Variants in LPP observed in about 807,000 individuals in gnomAD.
The protein encoded by LPP is lipoma-preferred partner.
A neutral mutation model predicts 60.4 loss-of-function variants in LPP; 38 were observed. That is an observed-to-expected ratio of 0.63 (90% CI 0.49 to 0.83). The LOEUF is 0.83. Ranked by LOEUF, LPP falls within the 40% of genes least tolerant of loss-of-function variation. LPP has a pLI of 0.00. For synonymous variants in LPP, 328 were observed against 290.8 expected (o/e 1.13, Z -1.30); for missense variants, 902 against 783.6 (o/e 1.15, Z -1.80).
At chr3:188,841,389 A>ATTTTTTTT (rs769453833) in intron 9 of LPP, among the ~76,000 whole-genome samples, 1 of 94,528 alleles carries the variant, frequency 1.1e-5, no homozygotes, top group African/African-American at 4.7e-5. Flanking sequence ...CCCTTTCTGA[A>ATTTTTTTT]TTTGTTTTTT....
chr3:188,692,937 A>G (rs1270866061), intron 7 of LPP, among the ~76,000 whole-genome samples: 1 of 152,244 alleles, frequency 6.6e-6, no homozygotes, highest in East Asian at 1.9e-4. Flanking sequence ...TGGGTCAGTC[A>G]CTACATTAGA....
chr3:188,509,172 A>G (rs1814460897), intron 5 of LPP, among the ~76,000 whole-genome samples: 1 of 152,196 alleles, frequency 6.6e-6, no homozygotes, highest in South Asian at 2.1e-4. Context: ...AAATTCTCTT[A>G]TAACACACCA....
chr3:188,864,917 A>G (rs1766216725), intron 9 of LPP, among the ~76,000 whole-genome samples: 1 of 152,242 alleles, frequency 6.6e-6, no homozygotes, highest in Non-Finnish European at 1.5e-5. Context: ...GAAGAGAGAT[A>G]CAAAGAAGCC....
intron 4 of LPP, among the ~76,000 whole-genome samples, chr3:188,462,475 A>G (rs559272551): frequency 6.3e-4 from 92 of 145,292 alleles, no homozygotes; most frequent in Non-Finnish European, 1.1e-3. Flanking sequence ...CATATATAGC[A>G]TATGTGTGTG....
At chr3:188,761,379 G>C (rs981578242) in intron 9 of LPP, among the ~76,000 whole-genome samples, 3 of 152,160 alleles carry the variant, frequency 2.0e-5, no homozygotes, top group Admixed American at 6.5e-5. Context: ...GGCTTCGTAG[G>C]ATTAAATATG....
intron 4 of LPP, among the ~76,000 whole-genome samples, chr3:188,417,536 G>C (rs531865411): frequency 1.3e-5 from 2 of 152,164 alleles, no homozygotes; most frequent in Non-Finnish European, 2.9e-5. Context: ...TGGGCTCCTG[G>C]GAATAGCTTT....
At chr3:188,604,576 C>T (rs1842049177) in intron 6 of LPP, among the ~76,000 whole-genome samples, 1 of 152,030 alleles carries the variant, frequency 6.6e-6, no homozygotes, top group Non-Finnish European at 1.5e-5. Flanking sequence ...TGTAATTAGG[C>T]ACACATTACA....
At chr3:188,174,042 G>A (rs933765050) in intron 1 of LPP, among the ~76,000 whole-genome samples, 1 of 152,114 alleles carries the variant, frequency 6.6e-6, no homozygotes, top group African/African-American at 2.4e-5. Flanking sequence ...AAACCGTTGT[G>A]CCCACTTTTA....
intron 3 of LPP, among the ~76,000 whole-genome samples, chr3:188,404,996 A>G (rs576348778): frequency 6.6e-6 from 1 of 152,256 alleles, no homozygotes; most frequent in African/African-American, 2.4e-5. Context: ...ATTATATGCA[A>G]TCTGATCAGA....
chr3:188,247,086 C>G (rs1577534274), intron 2 of LPP: 1 of 605,056 alleles, frequency 1.7e-6, no homozygotes, highest in East Asian at 1.4e-4. Context: ...TCAGATCACT[C>G]TAATTTCCTG....
chr3:188,842,830 G>T (rs1760375832), intron 9 of LPP, among the ~76,000 whole-genome samples: 2 of 152,074 alleles, frequency 1.3e-5, no homozygotes, highest in African/African-American at 4.8e-5. Flanking sequence ...TTTGGCAATT[G>T]TATATATTAC....
chr3:188,269,903 C>T (rs1394984025), intron 2 of LPP, among the ~76,000 whole-genome samples: 2 of 152,170 alleles, frequency 1.3e-5, no homozygotes, highest in African/African-American at 4.8e-5. Flanking sequence ...CCACCTTGGC[C>T]TCCCAAAGTG....
intron 7 of LPP, among the ~76,000 whole-genome samples, chr3:188,630,153 A>C (rs1847594677): frequency 7.8e-6 from 1 of 128,928 alleles, no homozygotes; most frequent in Non-Finnish European, 1.7e-5. Flanking sequence ...TCTGCAGCAC[A>C]GCAAAACAAA....
chr3:188,354,797 A>G (rs1409305017), intron 3 of LPP, among the ~76,000 whole-genome samples: 1 of 149,200 alleles, frequency 6.7e-6, no homozygotes, highest in African/African-American at 2.5e-5. Context: ...ACATTAATCA[A>G]TGAACACACA....
chr3:188,186,815 G>A (rs187880504), intron 1 of LPP, among the ~76,000 whole-genome samples: 1 of 151,936 alleles, frequency 6.6e-6, no homozygotes, highest in Non-Finnish European at 1.5e-5. Context: ...TGAGTTACTA[G>A]TTTTAGATAT....
At chr3:188,203,426 A>T (rs868224402) in intron 1 of LPP, among the ~76,000 whole-genome samples, 3 of 91,112 alleles carry the variant, frequency 3.3e-5, no homozygotes, top group Admixed American at 1.9e-4. Context: ...ATATAATATA[A>T]ATATAAATAT....
intron 2 of LPP, among the ~76,000 whole-genome samples, chr3:188,235,147 G>C (rs1311599191): frequency 1.3e-5 from 2 of 152,126 alleles, no homozygotes; most frequent in African/African-American, 4.8e-5. Context: ...AGAAATAAAG[G>C]GGCAGGAGGA....
intron 7 of LPP, among the ~76,000 whole-genome samples, chr3:188,677,041 G>T (rs999307153): frequency 1.3e-5 from 2 of 152,164 alleles, no homozygotes; most frequent in African/African-American, 4.8e-5. Flanking sequence ...TTAGCAGCCT[G>T]CAAGGAACCG....
At position 188,609,714 on chromosome 3, in the gene LPP, G is replaced by A. The variant is rs762804489; in HGVS notation, c.983G>A (p.Arg328Gln). 6.6e-5 allele frequency: 107 copies of A among 1,613,962 alleles called. No individual in the cohort carries two copies. The highest frequency in any genetic ancestry group is 1.3e-4 in the Admixed American group (8 of 59,996). ...CAAGGTCACCCAAATACCTGGAAAC[G>A]GGAACCAGGGTACACTCCTCCTGGA... ...GQQGHPNTWK[R>Q]EPGYTPPGAG... The change falls in exon 7 of 12, where the codon CGG becomes CAG. Residue 328 changes from arginine to glutamine, a missense_variant. Transcript: ENST00000617246. This position sits in a 1 kb window ranked among gnomAD's most constrained non-coding sequence, Gnocchi z 6.9.
Sources: allele counts gnomAD v4.1 joint callset (sites outside exome capture counted in the v4.1 genomes callset), GRCh38; gene constraint gnomAD v4.1.1; non-coding constraint Gnocchi (gnomAD v3.1); transcripts MANE v1.5; gene names NCBI Gene and HGNC (gene_info 2026-07-23, HGNC 2026-07-21).